The following ACSM3 variants were observed in gnomAD, a reference collection of about 807,000 sequenced individuals.
The protein encoded by ACSM3 is acyl-CoA synthetase medium chain family member 3, also known as acyl-coenzyme A synthetase ACSM3, mitochondrial.
ACSM3 carries 61 observed loss-of-function variants against 74.1 expected under a neutral mutation model. The ratio of observed to expected loss-of-function variants is 0.82; its 90% CI spans 0.67 to 1.02. ACSM3 has a LOEUF of 1.02. Ranked by LOEUF, ACSM3 falls within the 50% of genes least tolerant of loss-of-function variation. The pLI is 0.00. For synonymous variants in ACSM3, 213 were observed against 241.5 expected, an observed-to-expected ratio of 0.88 and a Z score of 1.09; for missense variants, 660 against 697.0, an observed-to-expected ratio of 0.95 and a Z score of 0.60.
chr16:20,763,687 A>G (rs2080096074), upstream of ACSM3: 1 of 152,316 alleles, frequency 6.6e-6, no homozygotes, highest in East Asian at 1.9e-4. Context: ...CCAACCCATA[A>G]CCGCCCCTCA....
At position 20,780,815 on chromosome 16, in the gene ACSM3, A is replaced by T. The variant is rs760766792; in HGVS notation, c.740A>T (p.His247Leu). ...AGTGGATATCCGAAAATGACTGCAC[A>T]CACCCACAGCAGTTTTGGTTTAGGA... ...GTSGYPKMTA[H>L]THSSFGLGLS... Residue 247 changes from histidine to leucine, a missense_variant, in exon 5 of 14, where the codon CAC (histidine) becomes CTC (leucine). Transcript: ENST00000289416. 3 of 1,614,244 alleles carry T rather than the reference A, an allele frequency of 1.9e-6. No individual in the cohort carries two copies. Among genetic ancestry groups the T allele is most frequent in the Non-Finnish European group, 2.5e-6 (3 of 1,180,034 alleles).
chr16:20,690,263 A>C (rs886711346), intron 1 of ACSM3, among the ~76,000 whole-genome samples: 2 of 152,198 alleles, frequency 1.3e-5, no homozygotes, highest in Non-Finnish European at 2.9e-5. Context: ...GTGACTTTTT[A>C]CACTACCATA....
intron 1 of ACSM3, among the ~76,000 whole-genome samples, chr16:20,719,716 T>C (rs1189491602): frequency 6.6e-6 from 1 of 152,214 alleles, no homozygotes; most frequent in Admixed American, 6.5e-5. Flanking sequence ...ATACTTCATT[T>C]CTAATTCAGT....
Position 20,796,365 on chromosome 16 carries a change from T to A in ACSM3, c.1555-5T>A. The A allele has an allele frequency of 3.7e-6, 6 of 1,605,168 alleles. No homozygotes were observed. Among genetic ancestry groups the A allele is most frequent in the Non-Finnish European group, 4.2e-6 (5 of 1,177,786 alleles). On this transcript the variant is annotated splice_region_variant and splice_polypyrimidine_tract_variant and intron_variant, in intron 12 of 13. Coordinates refer to ENST00000289416, the MANE Select transcript of ACSM3 (RefSeq NM_005622.4). ...TTTTCCTGGTGTTTCAAATATTTAT[T>A]TTAGGTAGTAAAGGCTTTTGTCGTT...
intron 4 of ACSM3, among the ~76,000 whole-genome samples, chr16:20,777,921 A>C (rs979853191): frequency 6.6e-6 from 1 of 152,232 alleles, no homozygotes; most frequent in Admixed American, 6.5e-5. Context: ...CAGTCAACCC[A>C]CTGGGACCTC....
chr16:20,790,654 C>G lies in ACSM3; in HGVS notation c.1292C>G (p.Pro431Arg), dbSNP rs764482495. Residue 431 changes from proline to arginine, a missense_variant, in exon 10 of 14, where the codon CCC becomes CGC. Transcript: ENST00000289416. The surrounding 1 kb of genome is among the most constrained non-coding windows in gnomAD (Gnocchi z 4.0). Reference sequence around the variant, plus strand: ...GGAGATATTGGCATTCAAGTTCTACCCAACCGACCATTTGGCCTTTTTACT... The same window carrying G: ...GGAGATATTGGCATTCAAGTTCTACGCAACCGACCATTTGGCCTTTTTACT... ...QEGDIGIQVLPNRPFGLFTHY... is the reference protein window; with the variant it reads ...QEGDIGIQVLRNRPFGLFTHY... 1 of 1,614,046 alleles carries G rather than the reference C, an allele frequency of 6.2e-7. No individual in the cohort carries two copies. Among genetic ancestry groups the G allele is most frequent in the Non-Finnish European group, 8.5e-7 (1 of 1,179,976 alleles).
At chr16:20,745,042 G>T (rs898190478) in intron 1 of ACSM3, among the ~76,000 whole-genome samples, 1 of 152,178 alleles carries the variant, frequency 6.6e-6, no homozygotes, top group African/African-American at 2.4e-5. Flanking sequence ...CTCATCCTGT[G>T]GCAGCTGCCG....
At chr16:20,747,269 C>T (rs2152429955) in intron 1 of ACSM3, among the ~76,000 whole-genome samples, 1 of 152,200 alleles carries the variant, frequency 6.6e-6, no homozygotes, top group African/African-American at 2.4e-5. Context: ...CCGCCTTCCC[C>T]CTTATCATTC....
intron 1 of ACSM3, among the ~76,000 whole-genome samples, chr16:20,692,444 G>A (rs568721081): frequency 6.6e-6 from 1 of 152,200 alleles, no homozygotes; most frequent in African/African-American, 2.4e-5. Context: ...GAAGACCTGG[G>A]ATTAATGGCA....
At chr16:20,795,660 A>T (rs1351362261) in intron 12 of ACSM3, among the ~76,000 whole-genome samples, 2 of 152,186 alleles carry the variant, frequency 1.3e-5, no homozygotes, top group African/African-American at 4.8e-5. Context: ...ATCATTCCAT[A>T]GCCAGCTCCG....
intron 2 of ACSM3, among the ~76,000 whole-genome samples, chr16:20,755,174 C>T (rs927814757): frequency 2.6e-5 from 4 of 152,118 alleles, no homozygotes; most frequent in African/African-American, 9.7e-5. Flanking sequence ...CTTCCCTGTC[C>T]CCTACCTGGG....
chr16:20,772,823 C>T (rs1215251289), intron 2 of ACSM3, among the ~76,000 whole-genome samples: 1 of 151,858 alleles, frequency 6.6e-6, no homozygotes, highest in African/African-American at 2.4e-5. Flanking sequence ...AAAAATTAGC[C>T]GGGCATGGTG....
At chr16:20,724,061 G>C (rs2079796018) in intron 1 of ACSM3, among the ~76,000 whole-genome samples, 1 of 152,096 alleles carries the variant, frequency 6.6e-6, no homozygotes, top group African/African-American at 2.4e-5. Context: ...TTTTGTATAA[G>C]GTGTAAGGAA....
chr16:20,779,425 C>CAAAAA (rs3050137), intron 4 of ACSM3, among the ~76,000 whole-genome samples: 1 of 131,982 alleles, frequency 7.6e-6, no homozygotes, highest in Non-Finnish European at 1.6e-5. Context: ...AACCCTGTCT[C>CAAAAA]AAAAAAAAAA....
At chr16:20,682,172 C>A in intron 1 of ACSM3, 1 of 1,368,056 alleles carries the variant, frequency 7.3e-7, no homozygotes, top group Non-Finnish European at 1.0e-6. Flanking sequence ...ATACATCCTC[C>A]TCAACCCCAC....
Position 20,750,844 on chromosome 16 carries a change from G to GTTTTTTTTTTTTTT in ACSM3, c.-96+846_-96+859dup, listed in dbSNP as rs59655300. On this transcript the variant is annotated intron_variant, in intron 2 of 3. Transcript: ENST00000561584. ...GAGAGAATATAAGTTTTGGAGTCAGGTTTTTTTTTTTTTTTTTTGAAACGG... is the reference window on the plus strand; with the variant it reads ...GAGAGAATATAAGTTTTGGAGTCAGGTTTTTTTTTTTTTTTTTTTTTTTTTTTTTTTTGAAACGG... 4.3e-5 allele frequency among the ~76,000 whole-genome samples: 5 copies of GTTTTTTTTTTTTTT among 115,376 alleles called. 1 individual carries two copies. The highest frequency in any genetic ancestry group is 6.3e-5 in the African/African-American group (2 of 31,848). The allele number at this position is 115,376 out of a possible 152,430, so 75.7% of individuals were successfully genotyped here.
intron 2 of ACSM3, among the ~76,000 whole-genome samples, chr16:20,750,425 AAT>A (rs2079980873): frequency 6.6e-6 from 1 of 152,144 alleles, no homozygotes; most frequent in African/African-American, 2.4e-5. Context: ...TCTAGGCCTA[AAT>A]TCATGAGATC....
chr16:20,783,776 T>C (rs1286876103), intron 7 of ACSM3, among the ~76,000 whole-genome samples: 4 of 151,646 alleles, frequency 2.6e-5, no homozygotes, highest in Non-Finnish European at 5.9e-5. Flanking sequence ...TCCCTGAAAA[T>C]ACACAAACTG....
intron 1 of ACSM3, among the ~76,000 whole-genome samples, chr16:20,697,406 G>A (rs1195493927): frequency 1.3e-5 from 2 of 152,114 alleles, no homozygotes; most frequent in African/African-American, 2.4e-5. Context: ...CAGCCACTGT[G>A]CTAAACATAT....
Sources: allele counts gnomAD v4.1 joint callset (sites outside exome capture counted in the v4.1 genomes callset), GRCh38; gene constraint gnomAD v4.1.1; non-coding constraint Gnocchi (gnomAD v3.1); transcripts MANE v1.5; gene names NCBI Gene and HGNC (gene_info 2026-07-23, HGNC 2026-07-21).